Variants in CCDC69 observed in about 807,000 individuals in gnomAD.
CCDC69 encodes coiled-coil domain-containing protein 69.
A neutral mutation model predicts 40.3 loss-of-function variants in CCDC69; 38 were observed. The ratio of observed to expected loss-of-function variants is 0.94; its 90% CI spans 0.73 to 1.24. The LOEUF is 1.24. Ranked by LOEUF, CCDC69 falls within the 50% of genes most tolerant of loss-of-function variation. The pLI is 0.00. For synonymous variants in CCDC69, 141 were observed against 138.9 expected, an observed-to-expected ratio of 1.02 and a Z score of -0.11; for missense variants, 389 against 357.9, an observed-to-expected ratio of 1.09 and a Z score of -0.70.
At chr5:151,197,404 C>G (rs1752714702) in intron 4 of CCDC69, among the ~76,000 whole-genome samples, 1 of 152,108 alleles carries the variant, frequency 6.6e-6, no homozygotes, top group African/African-American at 2.4e-5. Context: ...TGGCACGCGC[C>G]TGTAGCTACT....
At chr5:151,192,107 G>GAAAAAAAAAAAAAAAAAAAA (rs1752621542) in intron 4 of CCDC69, among the ~76,000 whole-genome samples, 3 of 55,202 alleles carry the variant, frequency 5.4e-5, no homozygotes, top group Non-Finnish European at 7.7e-5. Context: ...AAAAAAAAAA[G>GAAAAAAAAAAAAAAAAAAAA]AATGAAAAGA....
At chr5:151,191,850 G>A (rs777494930) in intron 4 of CCDC69, among the ~76,000 whole-genome samples, 15 of 152,032 alleles carry the variant, frequency 9.9e-5, no homozygotes, top group Admixed American at 2.0e-4. Flanking sequence ...TTTGAGAGGC[G>A]GAGTCAGGAG....
chr5:151,184,308 TGGGGATGG>T, intron 8 of CCDC69, 28 bp downstream of exon 8: 3 of 1,525,138 alleles, frequency 2.0e-6, no homozygotes, highest in Non-Finnish European at 2.7e-6. Flanking sequence ...GCAAAAAGGG[TGGGGATGG>T]GAGTAAAGGA....
chr5:151,183,712 C>A, intron 8 of CCDC69, 98 bp from the exon 9 acceptor site: 1 of 1,093,942 alleles, frequency 9.1e-7, no homozygotes, highest in Non-Finnish European at 1.3e-6. Flanking sequence ...GGACCAGCAG[C>A]CTGCTGCAGG....
intron 4 of CCDC69, among the ~76,000 whole-genome samples, chr5:151,189,723 G>A (rs909722301): frequency 1.3e-5 from 2 of 152,184 alleles, no homozygotes; most frequent in Non-Finnish European, 2.9e-5. Flanking sequence ...CAGAAAAGGT[G>A]TAGAATGGAA....
At position 151,217,119 on chromosome 5, in the gene CCDC69, A is replaced by T. The variant is rs1274646298; in HGVS notation, c.48+6804T>A. Among the ~76,000 whole-genome samples, 3 of 152,228 alleles carry T rather than the reference A, an allele frequency of 2.0e-5. No homozygotes were observed. In the East Asian group the frequency reaches 5.8e-4, roughly 29 times the overall value. On this transcript the variant is annotated intron_variant, in intron 1 of 8. Coordinates refer to ENST00000355417, the MANE Select transcript of CCDC69 (RefSeq NM_015621.3). ...AAATACTCGAGGTGATGAAACTCCA[A>T]ATACCCTGACTTGATCATTACACAG... is the stretch of plus-strand genomic sequence containing the variant.
At chr5:151,184,070 T>TAGG (rs1275022851) in intron 8 of CCDC69, among the ~76,000 whole-genome samples, 259 of 152,328 alleles carry the variant, frequency 1.7e-3, no homozygotes, top group African/African-American at 6.1e-3. Context: ...ACTATAAATT[T>TAGG]CCTGTTTCCT....
At chr5:151,222,405 G>A (rs1279641472) in intron 1 of CCDC69, among the ~76,000 whole-genome samples, 1 of 152,228 alleles carries the variant, frequency 6.6e-6, no homozygotes, top group African/African-American at 2.4e-5. Flanking sequence ...GAAGGGTCAG[G>A]CTCTTCCCCG....
In CCDC69 at chr5:151,224,080, A is replaced by T. The variant is rs1323763742; in HGVS notation, c.-110T>A. On this transcript the variant is annotated 5_prime_UTR_variant, in exon 1 of 9. Coordinates refer to ENST00000355417, the MANE Select transcript of CCDC69 (RefSeq NM_015621.3). Reference sequence around the variant, plus strand: ...CGCCCGCCGGCTGGGGCTGCCGGCGAGACCCTGAAACTGAACCTGGAAGCG... The same window carrying T: ...CGCCCGCCGGCTGGGGCTGCCGGCGTGACCCTGAAACTGAACCTGGAAGCG... The T allele has an allele frequency of 3.1e-6, 3 of 980,706 alleles. No individual in the cohort carries two copies. The African/African-American group carries it at 5.2e-5, about 17-fold the overall frequency. The allele number at this position is 980,706 out of a possible 1,614,324, so 60.8% of individuals were successfully genotyped here.
chr5:151,187,282 C>G (rs1261768093), intron 5 of CCDC69, 104 bp downstream of exon 5: 2 of 956,062 alleles, frequency 2.1e-6, no homozygotes, highest in Admixed American at 1.9e-5. Context: ...CCCCTCACTC[C>G]TAGGCACACG....
chr5:151,196,798 G>A (rs1752707829), intron 4 of CCDC69, among the ~76,000 whole-genome samples: 1 of 152,242 alleles, frequency 6.6e-6, no homozygotes, highest in African/African-American at 2.4e-5. Flanking sequence ...TACAGCCCCT[G>A]TGGAAAACAG....
intron 1 of CCDC69, among the ~76,000 whole-genome samples, chr5:151,208,541 G>A (rs1752885294): frequency 6.6e-6 from 1 of 152,174 alleles, no homozygotes; most frequent in African/African-American, 2.4e-5. Context: ...GGGCAGACCT[G>A]ACAATTTAGC....
chr5:151,207,947 A>T (rs1752876102), intron 1 of CCDC69, among the ~76,000 whole-genome samples: 1 of 152,184 alleles, frequency 6.6e-6, no homozygotes, highest in Non-Finnish European at 1.5e-5. Context: ...AATTTTAAGA[A>T]ACACTTTAAA....
intron 4 of CCDC69, among the ~76,000 whole-genome samples, chr5:151,190,929 C>G (rs1295559049): frequency 6.6e-6 from 1 of 151,694 alleles, no homozygotes. Flanking sequence ...TCAATAACAA[C>G]AGTAAATTAA....
chr5:151,219,679 C>T (rs182675883), intron 1 of CCDC69, among the ~76,000 whole-genome samples: 22 of 152,162 alleles, frequency 1.4e-4, no homozygotes, highest in African/African-American at 5.3e-4. Context: ...AAAAATGGTA[C>T]AAAGAATGAC....
chr5:151,198,926 T>A, intron 4 of CCDC69, 71 bp downstream of exon 4: 1 of 1,136,596 alleles, frequency 8.8e-7, no homozygotes, highest in African/African-American at 1.5e-5. Flanking sequence ...AGTGCCCAGG[T>A]GAACTGGGCA....
Position 151,199,057 on chromosome 5 carries a change from G to C in CCDC69, c.259C>G (p.Arg87Gly), listed in dbSNP as rs114476897. The C allele has an allele frequency of 6.0e-5, 97 of 1,613,988 alleles. 1 individual carries two copies. The highest frequency in any genetic ancestry group is 7.4e-5 in the Non-Finnish European group (87 of 1,179,974). Reference protein sequence around the residue: ...QVEKERELELRDRLDEQQRVL... With the variant: ...QVEKERELELGDRLDEQQRVL... Reference sequence around the variant, plus strand: ...CTTTGCTGCTCATCCAGTCTGTCTCGAAGCTCTAGCTCCCTTTCCTTCTCC... The same window carrying C: ...CTTTGCTGCTCATCCAGTCTGTCTCCAAGCTCTAGCTCCCTTTCCTTCTCC... The change falls in exon 4 of 9, where the codon CGA (arginine) becomes GGA (glycine). Residue 87 changes from arginine (R) to glycine (G), a missense_variant. By Grantham distance (125) the Arg-to-Gly change is moderately radical. Coordinates refer to ENST00000355417, the MANE Select transcript of CCDC69 (RefSeq NM_015621.3).
At chr5:151,186,938 C>T (rs983965783) in intron 5 of CCDC69, among the ~76,000 whole-genome samples, 3 of 152,176 alleles carry the variant, frequency 2.0e-5, no homozygotes, top group African/African-American at 7.2e-5. Flanking sequence ...TCTTTGAACA[C>T]ATTGCTTTTT....
At chr5:151,198,773 C>G (rs1752736899) in intron 4 of CCDC69, 1 of 446,968 alleles carries the variant, frequency 2.2e-6, no homozygotes, top group African/African-American at 2.0e-5. Flanking sequence ...AAAAATACCT[C>G]TCAAATAAGG....
Sources: gnomAD v4.1 joint callset for allele counts (sites outside exome capture counted in the v4.1 genomes callset) on GRCh38, gnomAD v4.1.1 for gene constraint, MANE v1.5 for transcripts, NCBI Gene and HGNC (gene_info 2026-07-23, HGNC 2026-07-21) for gene names.